The following SMURF2 variants were observed in gnomAD, a reference collection of about 807,000 sequenced individuals.
SMURF2 encodes E3 ubiquitin-protein ligase SMURF2.
In SMURF2, 48 loss-of-function variants were observed where a neutral mutation model predicts 109.6. That is an observed-to-expected ratio of 0.44 (90% CI 0.35 to 0.56). The LOEUF (loss-of-function observed/expected upper bound fraction) is 0.56, where lower values mean the gene tolerates loss of function less well. SMURF2 is among the 20% of genes least tolerant of loss of function. The pLI, the probability that SMURF2 is intolerant of heterozygous loss-of-function variation, is 0.01. For missense variants in SMURF2, 575 were observed against 909.0 expected, an observed-to-expected ratio of 0.63 and a Z score of 4.72; for synonymous variants, 288 against 317.1, an observed-to-expected ratio of 0.91 and a Z score of 0.97.
intron 7 of SMURF2, among the ~76,000 whole-genome samples, chr17:64,582,058 T>C (rs542875502): frequency 1.3e-5 from 2 of 152,220 alleles, no homozygotes; most frequent in East Asian, 3.9e-4. Context: ...CAGAAGGAAA[T>C]TGGTGTTCAA....
chr17:64,588,840 G>A (rs1365652874), intron 5 of SMURF2, among the ~76,000 whole-genome samples: 1 of 152,040 alleles, frequency 6.6e-6, no homozygotes, highest in Non-Finnish European at 1.5e-5. Context: ...GGCCAGGCTG[G>A]TTTCGAACTC....
At position 64,562,874 on chromosome 17, in the gene SMURF2, C is replaced by A. The variant is rs1555684658; in HGVS notation, c.1109G>T (p.Arg370Leu). The change falls in exon 11 of 19, where the codon CGA becomes CTA. Residue 370 changes from arginine to leucine, a missense_variant. Transcript: ENST00000262435. Reference protein sequence around the residue: ...TECLTVPRYKRDLVQKLKILR... With the variant: ...TECLTVPRYKLDLVQKLKILR... ...AATTTTTAGTTTCTGAACCAGGTCT[C>A]GCTTGTACCTTGGGACTGTCAGGCA... The A allele has an allele frequency of 6.2e-7, 1 of 1,614,160 alleles. No homozygotes were observed. Among genetic ancestry groups the A allele is most frequent in the Non-Finnish European group, 8.5e-7 (1 of 1,180,030 alleles).
intron 1 of SMURF2, among the ~76,000 whole-genome samples, chr17:64,615,705 A>G (rs1218900735): frequency 6.6e-6 from 1 of 152,384 alleles, no homozygotes; most frequent in East Asian, 1.9e-4. Flanking sequence ...AAAATAAGCA[A>G]ATATATCACA....
chr17:64,641,169 G>T (rs1568206959), intron 1 of SMURF2, among the ~76,000 whole-genome samples: 2 of 151,786 alleles, frequency 1.3e-5, no homozygotes, highest in African/African-American at 2.4e-5. Flanking sequence ...AATAATTTAT[G>T]GATTTTATAC....
At chr17:64,613,717 T>TGA (rs1568195581) in intron 1 of SMURF2, among the ~76,000 whole-genome samples, 4 of 136,058 alleles carry the variant, frequency 2.9e-5, no homozygotes. Context: ...TGTGTGTGTG[T>TGA]GTGTGTGTGT....
chr17:64,574,912 C>A (rs1969467062), intron 9 of SMURF2, among the ~76,000 whole-genome samples: 1 of 152,060 alleles, frequency 6.6e-6, no homozygotes, highest in Non-Finnish European at 1.5e-5. Context: ...AACTTTCTCA[C>A]TATTGTAAAT....
chr17:64,651,231 ACATTTT>A (rs1970635022), intron 1 of SMURF2, among the ~76,000 whole-genome samples: 1 of 150,998 alleles, frequency 6.6e-6, no homozygotes, highest in Non-Finnish European at 1.5e-5. Flanking sequence ...ATATATGCTT[ACATTTT>A]AATAAAATTA....
At chr17:64,580,700 T>C in intron 8 of SMURF2, 89 bp downstream of exon 8, 1 of 1,313,566 alleles carries the variant, frequency 7.6e-7, no homozygotes, top group South Asian at 1.3e-5. Flanking sequence ...AAGCTCAGAT[T>C]AATAACTTTT....
chr17:64,583,571 G>A (rs567056639), intron 6 of SMURF2, 27 bp from the exon 7 acceptor site: 1 of 1,568,752 alleles, frequency 6.4e-7, no homozygotes, highest in South Asian at 1.1e-5. Flanking sequence ...GAGTGATAAG[G>A]CATTAATAGG....
intron 1 of SMURF2, among the ~76,000 whole-genome samples, chr17:64,659,695 G>A (rs920988232): frequency 4.6e-5 from 7 of 151,894 alleles, no homozygotes; most frequent in African/African-American, 1.7e-4. Context: ...ACCCTTTAAT[G>A]TTTATGTCCT....
chr17:64,561,907 G>A (rs1480805768), intron 11 of SMURF2, among the ~76,000 whole-genome samples: 2 of 152,224 alleles, frequency 1.3e-5, no homozygotes, highest in East Asian at 3.9e-4. Flanking sequence ...GGCTAAGGTG[G>A]GAGGACTGCT....
intron 14 of SMURF2, 32 bp from the exon 15 acceptor site, chr17:64,555,025 G>A (rs1555683927): frequency 1.9e-6 from 3 of 1,599,084 alleles, no homozygotes; most frequent in Admixed American, 3.5e-5. Flanking sequence ...ATATGTAACT[G>A]GGAAACCTAA....
chr17:64,592,553 C>T (rs1555687773), intron 4 of SMURF2, among the ~76,000 whole-genome samples: 1 of 152,102 alleles, frequency 6.6e-6, no homozygotes, highest in Non-Finnish European at 1.5e-5. Context: ...ATAGTCAATG[C>T]TAAATTTACT....
At chr17:64,555,556 T>C (rs924728366) in intron 14 of SMURF2, among the ~76,000 whole-genome samples, 4 of 152,182 alleles carry the variant, frequency 2.6e-5, no homozygotes, top group Non-Finnish European at 5.9e-5. Flanking sequence ...TTGTATCACA[T>C]TGAGGAAACA....
chr17:64,661,741 C>T, intron 1 of SMURF2, 88 bp downstream of exon 1: 1 of 988,816 alleles, frequency 1.0e-6, no homozygotes, highest in Non-Finnish European at 1.3e-6. Context: ...TCATTGATCG[C>T]GACCCTGGCC....
intron 1 of SMURF2, among the ~76,000 whole-genome samples, chr17:64,656,966 C>A (rs1226354381): frequency 6.6e-6 from 1 of 152,112 alleles, no homozygotes; most frequent in Non-Finnish European, 1.5e-5. Flanking sequence ...TAGGTTGGTC[C>A]CTGTCTAGAG....
intron 2 of SMURF2, among the ~76,000 whole-genome samples, chr17:64,601,787 C>T (rs1268508404): frequency 6.6e-6 from 1 of 151,800 alleles, no homozygotes; most frequent in African/African-American, 2.4e-5. Flanking sequence ...TGCAAAAATA[C>T]TGAAGCAGCC....
intron 1 of SMURF2, among the ~76,000 whole-genome samples, chr17:64,638,922 CA>C: frequency 6.6e-6 from 1 of 152,204 alleles, no homozygotes; most frequent in Non-Finnish European, 1.5e-5. Context: ...CTCTCCAAGT[CA>C]ATTTCCCCAT....
chr17:64,564,426 T>A (rs1555684780), intron 10 of SMURF2, among the ~76,000 whole-genome samples: 1 of 152,156 alleles, frequency 6.6e-6, no homozygotes, highest in Non-Finnish European at 1.5e-5. Flanking sequence ...GATGGGGTGT[T>A]ATGGGTTGAG....
Sources: gnomAD v4.1 joint callset for allele counts (sites outside exome capture counted in the v4.1 genomes callset) on GRCh38, gnomAD v4.1.1 for gene constraint, MANE v1.5 for transcripts, NCBI Gene and HGNC (gene_info 2026-07-23, HGNC 2026-07-21) for gene names.